The following NTF3 variants were observed in gnomAD, a reference collection of about 807,000 sequenced individuals.
NTF3 encodes the protein neurotrophin 3, also known as neurotrophin-3.
In NTF3, 8 loss-of-function variants were observed where a neutral mutation model predicts 26.3. That is an observed-to-expected ratio of 0.30 (90% confidence interval 0.18 to 0.55). The LOEUF (loss-of-function observed/expected upper bound fraction) is 0.55, where lower values mean the gene tolerates loss of function less well. NTF3 is among the 20% of genes least tolerant of loss of function. NTF3 has a pLI of 0.93. For missense variants in NTF3, 276 were observed against 352.9 expected, an observed-to-expected ratio of 0.78 and a Z score of 1.75; for synonymous variants, 154 against 145.5, an observed-to-expected ratio of 1.06 and a Z score of -0.42.
At chr12:5,475,548 G>A (rs139214705) in intron 1 of NTF3, among the ~76,000 whole-genome samples, 135 of 151,994 alleles carry the variant, frequency 8.9e-4, no homozygotes, top group African/African-American at 3.1e-3. Flanking sequence ...TTGAAAATAT[G>A]TCTGGGCCAG....
At chr12:5,452,182 G>A (rs1471999548) in intron 1 of NTF3, among the ~76,000 whole-genome samples, 9 of 147,026 alleles carry the variant, frequency 6.1e-5, no homozygotes, top group Non-Finnish European at 1.3e-4. Flanking sequence ...TGCAACCTCC[G>A]CCTCCCGGGT....
rs775163887 is a variant in NTF3 at position 5,494,351 on chromosome 12, A to G, written c.176A>G (p.Asn59Ser). The change falls in exon 2 of 2, where the codon AAC becomes AGC. Residue 59 changes from asparagine (N) to serine (S), a missense_variant. By Grantham distance (46) the Asn-to-Ser change is conservative (BLOSUM62 1). Transcript: ENST00000423158. The surrounding 1 kb of genome is among the most constrained non-coding windows in gnomAD (Gnocchi z 8.3). ...IKLIQADILK[N>S]KLSKQMVDVK... ...CTGATCCAGGCAGATATTTTGAAAA[A>G]CAAGCTCTCCAAGCAGATGGTGGAC... 2 of 1,614,054 alleles carry G rather than the reference A, an allele frequency of 1.2e-6. No homozygotes were observed. Among genetic ancestry groups the G allele is most frequent in the South Asian group, 2.2e-5 (2 of 91,068 alleles).
At chr12:5,455,006 A>C (rs758241301) in intron 1 of NTF3, among the ~76,000 whole-genome samples, 1 of 152,150 alleles carries the variant, frequency 6.6e-6, no homozygotes, top group Non-Finnish European at 1.5e-5. Flanking sequence ...TGGGAGGTGG[A>C]TGGGTGCTCT....
At chr12:5,486,402 C>T (rs983003950) in intron 1 of NTF3, among the ~76,000 whole-genome samples, 6 of 152,180 alleles carry the variant, frequency 3.9e-5, no homozygotes, top group Non-Finnish European at 5.9e-5. Context: ...CTTCTTTATT[C>T]TGCCATTTTG....
At chr12:5,478,929 G>A (rs773352794) in intron 1 of NTF3, among the ~76,000 whole-genome samples, 5 of 152,096 alleles carry the variant, frequency 3.3e-5, no homozygotes, top group Admixed American at 1.3e-4. Flanking sequence ...TAATCCATTC[G>A]TTAGTGCCAA....
intron 1 of NTF3, among the ~76,000 whole-genome samples, chr12:5,444,263 A>C (rs767362824): frequency 6.6e-6 from 1 of 152,218 alleles, no homozygotes; most frequent in Non-Finnish European, 1.5e-5. Flanking sequence ...CCAATTGTCG[A>C]TTATGTGTTT....
At chr12:5,432,784 A>G (rs1464761480) in intron 1 of NTF3, among the ~76,000 whole-genome samples, 1 of 151,674 alleles carries the variant, frequency 6.6e-6, no homozygotes, top group Non-Finnish European at 1.5e-5. Flanking sequence ...TCAACCACCC[A>G]CCACTCCCAA....
intron 1 of NTF3, among the ~76,000 whole-genome samples, chr12:5,436,084 G>A (rs1446448210): frequency 6.6e-6 from 1 of 152,222 alleles, no homozygotes; most frequent in Admixed American, 6.5e-5. Flanking sequence ...CGTTGATCGG[G>A]TCCATACCCT....
At chr12:5,488,039 T>A (rs4930820) in intron 1 of NTF3, among the ~76,000 whole-genome samples, 66,307 of 151,958 alleles carry the variant, frequency 0.44, 14,513 homozygotes, top group South Asian at 0.51. Context: ...CCGAGAGGTG[T>A]GCTAAAGTGA....
intron 1 of NTF3, among the ~76,000 whole-genome samples, chr12:5,478,151 A>T (rs73034407): frequency 0.11 from 16,396 of 152,286 alleles, 1,097 homozygotes; most frequent in South Asian, 0.17. Context: ...ATCCACAATA[A>T]GATTTTTTCA....
chr12:5,431,977 GGGCGCGGGCGCGCGC>G (rs1940095481), upstream of NTF3: 1 of 149,696 alleles, frequency 6.7e-6, no homozygotes, highest in Non-Finnish European at 1.5e-5. Flanking sequence ...GGGGGCTCTG[GGGCGCGGGCGCGCGC>G]GGCGCGGCGC....
chr12:5,436,120 A>G (rs1466504780), intron 1 of NTF3, among the ~76,000 whole-genome samples: 1 of 152,206 alleles, frequency 6.6e-6, no homozygotes, highest in Non-Finnish European at 1.5e-5. Flanking sequence ...GCAACTGGGT[A>G]GGAACAGAGT....
At chr12:5,473,249 A>G (rs1940686581) in intron 1 of NTF3, among the ~76,000 whole-genome samples, 2 of 152,074 alleles carry the variant, frequency 1.3e-5, no homozygotes, top group South Asian at 4.2e-4. Flanking sequence ...CACTCCACAC[A>G]CATAATTGTG....
chr12:5,461,728 CTA>C (rs1446742797), intron 1 of NTF3, among the ~76,000 whole-genome samples: 1 of 152,122 alleles, frequency 6.6e-6, no homozygotes, highest in East Asian at 1.9e-4. Flanking sequence ...TGTGCCCTCT[CTA>C]TGTGTTGAGA....
In NTF3 at chr12:5,494,025, G is replaced by A. The variant is rs1453704000; in HGVS notation, c.19-169G>A. ...TTCGCAGTATCTCCCGGGGGTGGGG[G>A]AAAGAAATCACCTCTTCAGAATGTC... On this transcript the variant is annotated intron_variant, in intron 1 of 1. Coordinates refer to ENST00000423158, the MANE Select transcript of NTF3 (RefSeq NM_001102654.2). This position sits in a 1 kb window ranked among gnomAD's most constrained non-coding sequence, Gnocchi z 8.3. 2 of 627,176 alleles carry A rather than the reference G, an allele frequency of 3.2e-6. No individual in the cohort carries two copies. The highest frequency in any genetic ancestry group is 2.7e-5 in the East Asian group (1 of 36,476). 38.9% of individuals were successfully genotyped at this position (627,176 alleles called of 1,614,324 possible).
chr12:5,467,292 G>A (rs948076887), intron 1 of NTF3, among the ~76,000 whole-genome samples: 3 of 145,556 alleles, frequency 2.1e-5, no homozygotes, highest in Non-Finnish European at 3.0e-5. Flanking sequence ...TCGCTTTTTG[G>A]GGCAATGGGA....
chr12:5,476,614 G>A (rs1029661961), intron 1 of NTF3, among the ~76,000 whole-genome samples: 6 of 152,148 alleles, frequency 3.9e-5, no homozygotes, highest in Admixed American at 6.5e-5. Flanking sequence ...CTGGAGTGGT[G>A]GATCATGAGA....
Position 5,494,778 on chromosome 12 carries a change from A to G in NTF3, c.603A>G (p.Gln201=), listed in dbSNP as rs1484374764. 1 of 1,614,122 alleles carries G rather than the reference A, an allele frequency of 6.2e-7. No homozygotes were observed. The highest frequency in any genetic ancestry group is 1.1e-5 in the South Asian group (1 of 91,078). Residue 201 remains glutamine (Q), a synonymous_variant, in exon 2 of 2, where the codon CAA becomes CAG. Coordinates refer to ENST00000423158, the MANE Select transcript of NTF3 (RefSeq NM_001102654.2). This position sits in a 1 kb window ranked among gnomAD's most constrained non-coding sequence, Gnocchi z 8.3. ...EIKTGNSPVK[Q]YFYETRCKEA... ...AAACGGGCAACTCTCCCGTCAAACA[A>G]TATTTTTATGAAACGCGATGTAAGG...
rs1565398925 is a variant in NTF3 at position 5,494,169 on chromosome 12, C to T, written c.19-25C>T. ...ACAGACTCAGCTGCCAGAGCCTGCT[C>T]TTAACACCTGTGTTTCCTTTTCAGA... is the stretch of plus-strand genomic sequence containing the variant. On this transcript the variant is annotated intron_variant, in intron 1 of 1. Coordinates refer to ENST00000423158, the MANE Select transcript of NTF3 (RefSeq NM_001102654.2). The surrounding 1 kb of genome is among the most constrained non-coding windows in gnomAD (Gnocchi z 8.3). 1.2e-6 allele frequency: 2 copies of T among 1,604,774 alleles called. No individual in the cohort carries two copies.
Sources: gnomAD v4.1 joint callset for allele counts (sites outside exome capture counted in the v4.1 genomes callset) on GRCh38, gnomAD v4.1.1 for gene constraint, Gnocchi (gnomAD v3.1) non-coding constraint, MANE v1.5 for transcripts, NCBI Gene and HGNC (gene_info 2026-07-23, HGNC 2026-07-21) for gene names.